Variants in PIK3C2G observed in about 807,000 individuals in gnomAD.
PIK3C2G encodes the protein phosphatidylinositol-4-phosphate 3-kinase catalytic subunit type 2 gamma, also known as phosphatidylinositol 3-kinase C2 domain-containing subunit gamma.
Under a neutral mutation model 181.1 loss-of-function variants are expected in PIK3C2G, and 168 were observed. That is an observed-to-expected ratio of 0.93 (90% CI 0.82 to 1.05). PIK3C2G has a LOEUF of 1.05. PIK3C2G is among the 50% of genes least tolerant of loss of function. The probability of loss-of-function intolerance (pLI) is 0.00; values close to 1 mark genes in which losing one functional copy is unlikely to be tolerated. For synonymous variants in PIK3C2G, 573 were observed against 592.2 expected (o/e 0.97, Z 0.47); for missense variants, 1,869 against 1,732.8 (o/e 1.08, Z -1.40).
chr12:18,478,201 C>A (rs188534582), intron 18 of PIK3C2G, among the ~76,000 whole-genome samples: 367 of 152,214 alleles, frequency 2.4e-3, no homozygotes, highest in Admixed American at 7.2e-3. Flanking sequence ...ACTGTAGACA[C>A]CTATTGAACT....
At chr12:18,621,048 T>A (rs1048399541) in intron 31 of PIK3C2G, among the ~76,000 whole-genome samples, 1 of 152,042 alleles carries the variant, frequency 6.6e-6, no homozygotes, top group African/African-American at 2.4e-5. Flanking sequence ...ATGAACTTAA[T>A]CTTCCAGTAT....
intron 29 of PIK3C2G, among the ~76,000 whole-genome samples, chr12:18,568,990 A>G (rs1945786131): frequency 6.6e-6 from 1 of 152,148 alleles, no homozygotes; most frequent in South Asian, 2.1e-4. Flanking sequence ...ACCACGCAGT[A>G]GTTTCAAAAC....
intron 5 of PIK3C2G, among the ~76,000 whole-genome samples, chr12:18,312,563 C>T (rs1950685041): frequency 6.6e-6 from 1 of 152,014 alleles, no homozygotes; most frequent in African/African-American, 2.4e-5. Context: ...TTGAAGCAAA[C>T]CTTTGGGAAG....
intron 5 of PIK3C2G, among the ~76,000 whole-genome samples, chr12:18,302,190 A>G (rs1950204558): frequency 6.6e-6 from 1 of 152,222 alleles, no homozygotes; most frequent in African/African-American, 2.4e-5. Context: ...TTGGGCTCCC[A>G]GGTGACTTCC....
chr12:18,544,665 A>G (rs1460187843), intron 25 of PIK3C2G, among the ~76,000 whole-genome samples: 1 of 151,818 alleles, frequency 6.6e-6, no homozygotes, highest in Non-Finnish European at 1.5e-5. Context: ...GAAACAGAAA[A>G]AAAAGAAGGA....
chr12:18,710,452 A>G, the PIK3C2G span, among the ~76,000 whole-genome samples: 1 of 151,980 alleles, frequency 6.6e-6, no homozygotes, highest in Non-Finnish European at 1.5e-5. Flanking sequence ...ATAGGTAATG[A>G]AAAACTGACC....
intron 31 of PIK3C2G, among the ~76,000 whole-genome samples, chr12:18,611,117 A>T (rs1029045239): frequency 1.3e-5 from 2 of 152,058 alleles, no homozygotes; most frequent in Non-Finnish European, 2.9e-5. Context: ...TTACACTCAG[A>T]TGAAATTACA....
chr12:18,365,602 T>C (rs1339620756), intron 12 of PIK3C2G, among the ~76,000 whole-genome samples: 1 of 152,208 alleles, frequency 6.6e-6, no homozygotes, highest in African/African-American at 2.4e-5. Context: ...TGGCCATTTG[T>C]TCTCCATGTC....
intron 18 of PIK3C2G, among the ~76,000 whole-genome samples, chr12:18,437,775 A>T (rs1946525922): frequency 6.6e-6 from 1 of 151,976 alleles, no homozygotes; most frequent in Non-Finnish European, 1.5e-5. Context: ...TGATGCTGAA[A>T]ATTACACAAG....
rs535899170 is a variant in PIK3C2G at position 18,500,176 on chromosome 12, C to T, written c.3016+2428C>T. On this transcript the variant is annotated intron_variant, in intron 22 of 32. Transcript: ENST00000538779. ...AGGCGCGGCCGGGAACCGGGCTGCG[C>T]CCAGTGCTTGCCGGCCGGCTGGAGT... 2.0e-5 allele frequency among the ~76,000 whole-genome samples: 3 copies of T among 152,288 alleles called. No individual in the cohort carries two copies. The East Asian group carries it at 5.8e-4, about 30-fold the overall frequency.
intron 29 of PIK3C2G, among the ~76,000 whole-genome samples, chr12:18,592,664 G>A (rs996782828): frequency 3.8e-4 from 57 of 151,926 alleles, no homozygotes; most frequent in African/African-American, 1.2e-3. Context: ...TTTGCAAGGG[G>A]CATTAATGAC....
chr12:18,717,083 A>C, the PIK3C2G span, among the ~76,000 whole-genome samples: 2,005 of 152,246 alleles, frequency 0.013, 45 homozygotes, highest in African/African-American at 0.046. Flanking sequence ...TTTCATACTA[A>C]GCATGTGTCT....
At position 18,399,654 on chromosome 12, in the gene PIK3C2G, T is replaced by C. The variant is rs1254077264; in HGVS notation, c.2127-5T>C. On this transcript the variant is annotated splice_polypyrimidine_tract_variant and splice_region_variant and intron_variant, in intron 15 of 32. Transcript: ENST00000538779. Reference sequence around the variant, plus strand: ...TAAATTACAGTTTCCAATCTGGTTTTTCAGACTCTCTGAAGAAAAGAAAAG... The same window carrying C: ...TAAATTACAGTTTCCAATCTGGTTTCTCAGACTCTCTGAAGAAAAGAAAAG... 6.5e-7 allele frequency: 1 copy of C among 1,534,124 alleles called. No individual in the cohort carries two copies.
intron 15 of PIK3C2G, among the ~76,000 whole-genome samples, chr12:18,399,292 C>A (rs1440190102): frequency 6.6e-6 from 1 of 150,426 alleles, no homozygotes; most frequent in Non-Finnish European, 1.5e-5. Flanking sequence ...CGGTTGATTA[C>A]CTCTGTTCTA....
chr12:18,264,741 A>T (rs1277617192), intron 1 of PIK3C2G, among the ~76,000 whole-genome samples: 1 of 152,152 alleles, frequency 6.6e-6, no homozygotes, highest in Non-Finnish European at 1.5e-5. Context: ...GACAGGCTGA[A>T]TTCTGATCTA....
At chr12:18,315,628 A>T (rs1950827027) in intron 6 of PIK3C2G, among the ~76,000 whole-genome samples, 1 of 152,174 alleles carries the variant, frequency 6.6e-6, no homozygotes, top group African/African-American at 2.4e-5. Context: ...TATCACATTT[A>T]ATCTTTTCAA....
At chr12:18,462,848 C>A (rs1210971907) in intron 18 of PIK3C2G, among the ~76,000 whole-genome samples, 1 of 152,062 alleles carries the variant, frequency 6.6e-6, no homozygotes, top group Non-Finnish European at 1.5e-5. Context: ...TGCTTACCAA[C>A]AATATAATCT....
intron 4 of PIK3C2G, among the ~76,000 whole-genome samples, chr12:18,292,467 C>T (rs550284683): frequency 6.6e-6 from 1 of 151,870 alleles, no homozygotes; most frequent in East Asian, 1.9e-4. Flanking sequence ...TATCTACAGA[C>T]AGTTCACTAT....
the PIK3C2G span, among the ~76,000 whole-genome samples, chr12:18,705,676 T>C: frequency 7.1e-6 from 1 of 140,002 alleles, no homozygotes; most frequent in African/African-American, 2.7e-5. Context: ...GGCCAGCTTG[T>C]CCAGCATAGT....
Sources: allele counts gnomAD v4.1 joint callset (sites outside exome capture counted in the v4.1 genomes callset), GRCh38; gene constraint gnomAD v4.1.1; transcripts MANE v1.5; gene names NCBI Gene and HGNC (gene_info 2026-07-23, HGNC 2026-07-21).